The following USP16 variants were observed in gnomAD, a reference collection of about 807,000 sequenced individuals.
USP16 encodes ubiquitin carboxyl-terminal hydrolase 16.
In USP16, 77 loss-of-function variants were observed where a neutral mutation model predicts 95.9. The observed-to-expected ratio is 0.80, with a 90% CI of 0.67 to 0.97. The LOEUF (loss-of-function observed/expected upper bound fraction) is 0.97, where lower values mean the gene tolerates loss of function less well. USP16 is among the 50% of genes least tolerant of loss of function. The pLI, the probability that USP16 is intolerant of heterozygous loss-of-function variation, is 0.00. For missense variants in USP16, 943 were observed against 959.9 expected (o/e 0.98, Z 0.23); for synonymous variants, 303 against 318.2 (o/e 0.95, Z 0.51).
chr21:29,053,852 T>C lies in USP16; in HGVS notation c.2244T>C (p.Val748=). Reference sequence around the variant, plus strand: ...TACTCTATTCCTTATATGGAGTTGTTGAACACAGTGGTACTATGAGGTCGG... The same window carrying C: ...TACTCTATTCCTTATATGGAGTTGTCGAACACAGTGGTACTATGAGGTCGG... ...TRVLYSLYGV[V]EHSGTMRSGH... is the part of the protein sequence containing the mutation. Residue 748 remains valine, a synonymous_variant, in exon 17 of 18, where the codon GTT becomes GTC. Transcript: ENST00000399976. 2 of 1,614,176 alleles carry C rather than the reference T, an allele frequency of 1.2e-6. No homozygotes were observed. The highest frequency in any genetic ancestry group is 1.7e-6 in the Non-Finnish European group (2 of 1,180,020).
chr21:29,031,115 T>A (rs1018536151), intron 3 of USP16, among the ~76,000 whole-genome samples: 3 of 152,210 alleles, frequency 2.0e-5, no homozygotes, highest in Non-Finnish European at 4.4e-5. Flanking sequence ...GGCCTGCCCC[T>A]AGAGCAGGAA....
chr21:29,027,336 G>A (rs1276047082), intron 1 of USP16, among the ~76,000 whole-genome samples: 1 of 152,228 alleles, frequency 6.6e-6, no homozygotes, highest in Non-Finnish European at 1.5e-5. Flanking sequence ...TGTGGAAAAT[G>A]TACAACAGTG....
chr21:29,042,892 G>A (rs1040446501), intron 12 of USP16: 1 of 167,132 alleles, frequency 6.0e-6, no homozygotes, highest in African/African-American at 2.4e-5. Context: ...GTTTTAATTT[G>A]GTTCCTTTTA....
At chr21:29,029,100 G>A (rs949032376) in intron 2 of USP16, among the ~76,000 whole-genome samples, 2 of 152,202 alleles carry the variant, frequency 1.3e-5, no homozygotes, top group African/African-American at 4.8e-5. Flanking sequence ...AAACATCTGT[G>A]CTGATTTGGT....
intron 16 of USP16, among the ~76,000 whole-genome samples, chr21:29,051,698 G>A (rs2085416749): frequency 6.6e-6 from 1 of 152,148 alleles, no homozygotes; most frequent in South Asian, 2.1e-4. Flanking sequence ...AGGCATGGTG[G>A]TGTGCGCCTG....
intron 7 of USP16, among the ~76,000 whole-genome samples, 164 bp from the exon 8 acceptor site, chr21:29,038,862 G>A (rs1568889651): frequency 6.6e-6 from 1 of 152,150 alleles, no homozygotes; most frequent in Non-Finnish European, 1.5e-5. Context: ...GCATAAGACA[G>A]TCTGTGACCA....
At chr21:29,041,900 C>A in intron 10 of USP16, 113 bp from the exon 11 acceptor site, 1 of 831,612 alleles carries the variant, frequency 1.2e-6, no homozygotes, top group Non-Finnish European at 1.9e-6. Flanking sequence ...GTCTGTGGGA[C>A]AGGAAATTTA....
chr21:29,038,313 T>C (rs750088290), intron 6 of USP16, 22 bp from the exon 7 acceptor site: 3 of 1,541,912 alleles, frequency 1.9e-6, no homozygotes, highest in Non-Finnish European at 2.7e-6. Context: ...TTTTTCTCTT[T>C]TTTTTTCACC....
intron 1 of USP16, 184 bp downstream of exon 1, chr21:29,024,961 C>T: frequency 3.7e-6 from 2 of 547,526 alleles, no homozygotes; most frequent in Non-Finnish European, 5.3e-6. Context: ...AGAAGCTGGC[C>T]AATGAGATGC....
At position 29,026,345 on chromosome 21, in the gene USP16, A is replaced by G. The variant is rs183982427; in HGVS notation, c.-41-1528A>G. Among the ~76,000 whole-genome samples the G allele has an allele frequency of 2.5e-3, 377 of 151,166 alleles. 6 individuals carry two copies. Among genetic ancestry groups the G allele is most frequent in the Admixed American group, 0.023 (354 of 15,114 alleles). On this transcript the variant is annotated intron_variant, in intron 1 of 17. Coordinates refer to ENST00000399976, the MANE Select transcript of USP16 (RefSeq NM_006447.3). ...GTGGTGGGCGTCTGTAATCCCAGCT[A>G]TTCGGGAGGCTGAGGCAGGAGAAGC...
intron 10 of USP16, among the ~76,000 whole-genome samples, chr21:29,041,109 A>G (rs139766520): frequency 2.4e-4 from 37 of 152,290 alleles, no homozygotes; most frequent in African/African-American, 6.5e-4. Flanking sequence ...TTCCATATAG[A>G]AGCAACTAGG....
Position 29,040,692 on chromosome 21 carries a change from T to C in USP16, c.1030+5T>C. On this transcript the variant is annotated splice_donor_5th_base_variant and intron_variant, in intron 10 of 17. Coordinates refer to ENST00000399976, the MANE Select transcript of USP16 (RefSeq NM_006447.3). ...AACTAAAAAATAAAGTTAAAGGTAA[T>C]GTCTGACTTTTTGAACTAAAACACT... 1.3e-6 allele frequency: 2 copies of C among 1,493,918 alleles called. No homozygotes were observed. The allele number at this position is 1,493,918 out of a possible 1,614,324, so 92.5% of individuals were successfully genotyped here.
intron 1 of USP16, 100 bp from the exon 2 acceptor site, chr21:29,027,773 G>A: frequency 1.3e-6 from 1 of 767,898 alleles, no homozygotes; most frequent in East Asian, 2.7e-5. Context: ...CAATGTGATA[G>A]ACATGCATAA....
At chr21:29,048,340 C>T (rs1236445674) in intron 14 of USP16, among the ~76,000 whole-genome samples, 3 of 152,038 alleles carry the variant, frequency 2.0e-5, no homozygotes, top group African/African-American at 7.2e-5. Context: ...GCCTAGGCCT[C>T]CCAAAGTCCT....
At position 29,046,943 on chromosome 21, in the gene USP16, G is replaced by T; in HGVS notation, c.1633G>T (p.Asp545Tyr). 6.2e-7 allele frequency: 1 copy of T among 1,614,082 alleles called. No homozygotes were observed. The highest frequency in any genetic ancestry group is 1.1e-5 in the South Asian group (1 of 91,072). The change falls in exon 14 of 18, where the codon GAT (aspartate) becomes TAT (tyrosine). Residue 545 changes from aspartate to tyrosine, a missense_variant. By Grantham distance (160) the Asp-to-Tyr change is radical (BLOSUM62 -3). Transcript: ENST00000399976. ...TATGAAAAATATCAACATGGATAAT[G>T]ATCTGGAGGTTTTAACATCTTCTCC... ...VDMKNINMDN[D>Y]LEVLTSSPTR...
In USP16 at chr21:29,024,700, T is replaced by A; in HGVS notation, c.-119T>A. The A allele has an allele frequency of 7.8e-7, 1 of 1,289,170 alleles. No homozygotes were observed. Among genetic ancestry groups the A allele is most frequent in the South Asian group, 1.2e-5 (1 of 81,022 alleles). The allele number at this position is 1,289,170 out of a possible 1,614,324, so 79.9% of individuals were successfully genotyped here. On this transcript the variant is annotated 5_prime_UTR_variant, in exon 1 of 18. Transcript: ENST00000399976. Reference sequence around the variant, plus strand: ...CTTCGACTCCGTCGCTCTCAATTCGTCACCAGGAGGAAGACGGAGCTGGCT... The same window carrying A: ...CTTCGACTCCGTCGCTCTCAATTCGACACCAGGAGGAAGACGGAGCTGGCT...
chr21:29,028,140 G>A (rs865920954), intron 2 of USP16, among the ~76,000 whole-genome samples, 166 bp downstream of exon 2: 1 of 62,924 alleles, frequency 1.6e-5, no homozygotes, highest in Non-Finnish European at 3.6e-5. Flanking sequence ...TTTTTTTTTT[G>A]AGAAAGAATC....
intron 3 of USP16, 127 bp downstream of exon 3, chr21:29,030,900 AC>A: frequency 2.7e-6 from 3 of 1,109,892 alleles, no homozygotes; most frequent in Non-Finnish European, 3.8e-6. Flanking sequence ...TCTCTGGAGA[AC>A]CAGTTCTGAG....
chr21:29,051,405 G>A (rs1269369521), intron 16 of USP16, among the ~76,000 whole-genome samples: 1 of 152,112 alleles, frequency 6.6e-6, no homozygotes, highest in African/African-American at 2.4e-5. Context: ...TGAGAAGATG[G>A]GATCCCTTGT....
Sources: gnomAD v4.1 joint callset for allele counts (sites outside exome capture counted in the v4.1 genomes callset) on GRCh38, gnomAD v4.1.1 for gene constraint, MANE v1.5 for transcripts, NCBI Gene and HGNC (gene_info 2026-07-23, HGNC 2026-07-21) for gene names.